HS6ST1: variants seen among roughly 807,000 people sequenced by gnomAD.
HS6ST1 encodes the protein heparan sulfate 6-O-sulfotransferase 1, also known as heparan-sulfate 6-O-sulfotransferase 1.
In HS6ST1, 3 loss-of-function variants were observed where a neutral mutation model predicts 25.2. The observed-to-expected ratio is 0.12, with a 90% CI of 0.05 to 0.31. The LOEUF (loss-of-function observed/expected upper bound fraction) is 0.31, where lower values mean the gene tolerates loss of function less well. Ranked by LOEUF, HS6ST1 falls within the 10% of genes least tolerant of loss-of-function variation. The probability of loss-of-function intolerance (pLI) is 1.00; values close to 1 mark genes in which losing one functional copy is unlikely to be tolerated. For missense variants in HS6ST1, 310 were observed against 609.6 expected (o/e 0.51, Z 5.18); for synonymous variants, 204 against 275.1 (o/e 0.74, Z 2.56).
intron 1 of HS6ST1, among the ~76,000 whole-genome samples, chr2:128,292,308 T>C (rs1693966159): frequency 6.6e-6 from 1 of 152,206 alleles, no homozygotes; most frequent in Non-Finnish European, 1.5e-5. Flanking sequence ...GGACCCTGGC[T>C]TGGAGCGGCT....
In HS6ST1 at chr2:128,274,215, C is replaced by T. The variant is rs558361474; in HGVS notation, c.528-5345G>A. Among the ~76,000 whole-genome samples the T allele has an allele frequency of 8.6e-4, 131 of 152,084 alleles. No individual in the cohort carries two copies. In the South Asian group the frequency reaches 0.026, roughly 31 times the overall value. On this transcript the variant is annotated intron_variant, in intron 1 of 1. Transcript: ENST00000259241. Reference sequence around the variant, plus strand: ...GACAGAAATAACCAGAATTGGAGTACATCATTCACGGAGACTGAAATGGCT... The same window carrying T: ...GACAGAAATAACCAGAATTGGAGTATATCATTCACGGAGACTGAAATGGCT...
At chr2:128,292,870 G>A (rs906695409) in intron 1 of HS6ST1, among the ~76,000 whole-genome samples, 10 of 152,094 alleles carry the variant, frequency 6.6e-5, no homozygotes, top group African/African-American at 2.2e-4. Context: ...ACTCACAGGA[G>A]GGCACCTGAG....
rs1462371382 is a variant in HS6ST1, at chr2:128,268,081, G to A, written c.*81C>T. On this transcript the variant is annotated 3_prime_UTR_variant, in exon 2 of 2. Coordinates refer to ENST00000259241, the MANE Select transcript of HS6ST1 (RefSeq NM_004807.3). ...AGCAGGTTTGGGATGCTCATCCCTT[G>A]ACAGTCTTGGGTGGACCTGTCGTCT... 9 of 991,116 alleles carry A rather than the reference G, an allele frequency of 9.1e-6. No individual in the cohort carries two copies. The highest frequency in any genetic ancestry group is 1.4e-5 in the Non-Finnish European group (9 of 651,866). 61.4% of individuals were successfully genotyped at this position (991,116 alleles called of 1,614,324 possible). A position where few individuals can be genotyped will look rare whatever the true frequency, so the allele number is the denominator to read the frequency against.
intron 1 of HS6ST1, among the ~76,000 whole-genome samples, chr2:128,286,052 G>A (rs932161244): frequency 6.6e-6 from 1 of 152,180 alleles, no homozygotes; most frequent in Admixed American, 6.5e-5. Flanking sequence ...CATAAAACTC[G>A]TAGACAGAAA....
chr2:128,294,872 T>C (rs1694017649), intron 1 of HS6ST1, among the ~76,000 whole-genome samples: 1 of 152,098 alleles, frequency 6.6e-6, no homozygotes, highest in Non-Finnish European at 1.5e-5. Flanking sequence ...ACATTTGTGC[T>C]GATTCTCCAT....
intron 1 of HS6ST1, among the ~76,000 whole-genome samples, chr2:128,283,836 C>T (rs771170050): frequency 4.6e-5 from 7 of 152,176 alleles, no homozygotes; most frequent in Non-Finnish European, 1.0e-4. Flanking sequence ...GAGCTATCGC[C>T]ACTCCTGCCG....
chr2:128,299,335 G>A (rs912611717), intron 1 of HS6ST1, among the ~76,000 whole-genome samples: 2 of 152,240 alleles, frequency 1.3e-5, no homozygotes, highest in African/African-American at 4.8e-5. Flanking sequence ...CAGCAGGAGC[G>A]AGCCCTCTGC....
intron 1 of HS6ST1, among the ~76,000 whole-genome samples, chr2:128,308,624 T>A (rs1384644912): frequency 1.3e-5 from 2 of 152,194 alleles, no homozygotes; most frequent in Admixed American, 6.5e-5. Flanking sequence ...GAGATCCTGG[T>A]AGAGACAGCC....
chr2:128,299,492 C>T (rs996178242), intron 1 of HS6ST1, among the ~76,000 whole-genome samples: 13 of 152,378 alleles, frequency 8.5e-5, no homozygotes, highest in African/African-American at 3.1e-4. Context: ...CTCCAGACCC[C>T]TACGCTGGAC....
chr2:128,292,331 G>A (rs536128029), intron 1 of HS6ST1, among the ~76,000 whole-genome samples: 35 of 152,328 alleles, frequency 2.3e-4, no homozygotes, highest in Admixed American at 3.3e-4. Flanking sequence ...AACTGTGGCT[G>A]GGCTCCTGAG....
At position 128,268,105 on chromosome 2, in the gene HS6ST1, C is replaced by A; in HGVS notation, c.*57G>T. 3 of 1,255,064 alleles carry A rather than the reference C, an allele frequency of 2.4e-6. No homozygotes were observed. Among genetic ancestry groups the A allele is most frequent in the Non-Finnish European group, 3.4e-6 (3 of 883,134 alleles). 77.7% of individuals were successfully genotyped at this position (1,255,064 alleles called of 1,614,324 possible). On this transcript the variant is annotated 3_prime_UTR_variant, in exon 2 of 2. Coordinates refer to ENST00000259241, the MANE Select transcript of HS6ST1 (RefSeq NM_004807.3). ...TGACAGTCTTGGGTGGACCTGTCGT[C>A]TGTCCTGTTTTATCCCCCACACCCC...
intron 1 of HS6ST1, among the ~76,000 whole-genome samples, chr2:128,276,971 G>A (rs1001603205): frequency 5.3e-5 from 8 of 152,194 alleles, no homozygotes; most frequent in Admixed American, 2.0e-4. Flanking sequence ...AGGGTGGCCG[G>A]TTTCCAGGGC....
At chr2:128,303,267 C>T (rs899293509) in intron 1 of HS6ST1, among the ~76,000 whole-genome samples, 4 of 152,220 alleles carry the variant, frequency 2.6e-5, no homozygotes, top group African/African-American at 9.7e-5. Context: ...AAAGGCAGGG[C>T]CAGGAGGGCA....
chr2:128,317,209 C>T (rs577769705), intron 1 of HS6ST1, among the ~76,000 whole-genome samples: 2 of 152,350 alleles, frequency 1.3e-5, no homozygotes, highest in Non-Finnish European at 2.9e-5. Flanking sequence ...GCTGCCCCGG[C>T]ACCCCTCCCA....
intron 1 of HS6ST1, among the ~76,000 whole-genome samples, chr2:128,301,359 G>A (rs1269915259): frequency 6.6e-6 from 1 of 152,166 alleles, no homozygotes; most frequent in Non-Finnish European, 1.5e-5. Context: ...CAGGGGCCAT[G>A]TGGCTCCAGG....
chr2:128,284,756 G>A (rs1693836712), intron 1 of HS6ST1, among the ~76,000 whole-genome samples: 2 of 152,146 alleles, frequency 1.3e-5, no homozygotes, highest in African/African-American at 4.8e-5. Context: ...CCAAAGTGCT[G>A]GGATTACAGG....
At chr2:128,294,682 G>A (rs1435902629) in intron 1 of HS6ST1, among the ~76,000 whole-genome samples, 1 of 120,992 alleles carries the variant, frequency 8.3e-6, no homozygotes, top group Non-Finnish European at 1.8e-5. Context: ...GTGTGTGTGT[G>A]TGTGTGTGTG....
Position 128,268,917 on chromosome 2 carries a change from G to C in HS6ST1, c.528-47C>G, listed in dbSNP as rs368987588. ...AGGTGAGGGCTGTGACGCAGCATGA[G>C]GGGGGCTACCAGGGCTGCTCTGAGT... On this transcript the variant is annotated intron_variant, in intron 1 of 1. Transcript: ENST00000259241. 1.6e-5 allele frequency: 24 copies of C among 1,522,822 alleles called. No individual in the cohort carries two copies. In the African/African-American group the frequency reaches 1.8e-4, roughly 11 times the overall value. The allele number at this position is 1,522,822 out of a possible 1,614,324, so 94.3% of individuals were successfully genotyped here.
chr2:128,296,765 T>C (rs1045202603), intron 1 of HS6ST1, among the ~76,000 whole-genome samples: 6 of 152,222 alleles, frequency 3.9e-5, no homozygotes, highest in African/African-American at 1.4e-4. Flanking sequence ...CTGAAAGACC[T>C]ACTATCATTA....
Sources: allele counts gnomAD v4.1 joint callset (sites outside exome capture counted in the v4.1 genomes callset), GRCh38; gene constraint gnomAD v4.1.1; transcripts MANE v1.5; gene names NCBI Gene and HGNC (gene_info 2026-07-23, HGNC 2026-07-21).